The following MMAA variants were observed in gnomAD, a reference collection of about 807,000 sequenced individuals.
MMAA encodes metabolism of cobalamin associated A.
A neutral mutation model predicts 45.0 loss-of-function variants in MMAA; 41 were observed. The observed-to-expected ratio is 0.91, with a 90% confidence interval of 0.71 to 1.18. The LOEUF is 1.18. Ranked by LOEUF, MMAA falls within the 50% of genes most tolerant of loss-of-function variation. MMAA has a pLI of 0.00. For synonymous variants in MMAA, 154 were observed against 178.2 expected, an observed-to-expected ratio of 0.86 and a Z score of 1.08; for missense variants, 460 against 495.7, an observed-to-expected ratio of 0.93 and a Z score of 0.68.
intron 4 of MMAA, among the ~76,000 whole-genome samples, chr4:145,646,979 A>G (rs1727942658): frequency 6.6e-6 from 1 of 152,172 alleles, no homozygotes; most frequent in African/African-American, 2.4e-5. Context: ...GAGCAGGAAG[A>G]TCCTGCTGGA....
rs753155141 is a variant in MMAA, at chr4:145,659,368, C to T, written c.*3934C>T. On this transcript the variant is annotated 3_prime_UTR_variant, in exon 7 of 7. Transcript: ENST00000649156. The stretch of plus-strand genomic sequence containing the variant: ...GTTTTAGAGAAAATTTCACTCTGTA[C>T]TAGAAAATGTAGATGATGTGAGTCA... The T allele has an allele frequency of 1.3e-5, 2 of 152,004 alleles. No individual in the cohort carries two copies. The highest frequency in any genetic ancestry group is 2.9e-5 in the Non-Finnish European group (2 of 68,010). 9.4% of individuals were successfully genotyped at this position (152,004 alleles called of 1,614,324 possible). A position where few individuals can be genotyped will look rare whatever the true frequency, so the allele number is the denominator to read the frequency against.
At chr4:145,654,996 G>A (rs911233510) in intron 6 of MMAA, 151 bp from the exon 7 acceptor site, 3 of 759,506 alleles carry the variant, frequency 3.9e-6, no homozygotes, top group Non-Finnish European at 6.5e-6. Flanking sequence ...ATATATATTG[G>A]TATATTTACT....
rs186368600 is a variant in MMAA, at chr4:145,626,077, C to G, written c.-66+6670C>G. The G allele has an allele frequency of 3.7e-5, 31 of 826,822 alleles. No individual in the cohort carries two copies. The African/African-American group carries it at 4.8e-4, about 13-fold the overall frequency. The allele number at this position is 826,822 out of a possible 1,614,324, so 51.2% of individuals were successfully genotyped here. A position where few individuals can be genotyped will look rare whatever the true frequency, so the allele number is the denominator to read the frequency against. On this transcript the variant is annotated intron_variant, in intron 1 of 6. Transcript: ENST00000649156. ...GGTCCCAGTGCCTCTCTGGGGCAGT[C>G]GGAGGGGACCTTGGGTGGACTGAGA...
At position 145,651,225 on chromosome 4, in the gene MMAA, G is replaced by T. The variant is rs576798223; in HGVS notation, c.819+78G>T. The T allele has an allele frequency of 8.7e-5, 104 of 1,198,194 alleles. 2 individuals are homozygous for T. The South Asian group carries it at 1.3e-3, about 15-fold the overall frequency. 74.2% of individuals were successfully genotyped at this position (1,198,194 alleles called of 1,614,324 possible). The stretch of plus-strand genomic sequence containing the variant: ...TAAAAATTTCCAATGTTGTGTTTTT[G>T]TAAACTAAGTTGATAATGGTTTAGA... On this transcript the variant is annotated intron_variant, in intron 5 of 6. Coordinates refer to ENST00000649156, the MANE Select transcript of MMAA (RefSeq NM_172250.3).
At chr4:145,645,339 A>G (rs912137374) in intron 3 of MMAA, among the ~76,000 whole-genome samples, 1 of 152,202 alleles carries the variant, frequency 6.6e-6, no homozygotes, top group Admixed American at 6.5e-5. Context: ...GGCAGACTAT[A>G]TGAAGGAGCA....
At chr4:145,620,186 A>G (rs1005770437) in intron 1 of MMAA, among the ~76,000 whole-genome samples, 7 of 152,206 alleles carry the variant, frequency 4.6e-5, no homozygotes, top group Non-Finnish European at 7.3e-5. Context: ...TTTTACAATA[A>G]TTTTGCACTA....
At chr4:145,647,231 G>A (rs570765189) in intron 4 of MMAA, among the ~76,000 whole-genome samples, 30 of 152,150 alleles carry the variant, frequency 2.0e-4, no homozygotes, top group African/African-American at 7.2e-4. Flanking sequence ...GGAAGGAAGG[G>A]GAATTGCAGA....
At chr4:145,621,163 T>G (rs1298261246) in intron 1 of MMAA, among the ~76,000 whole-genome samples, 1 of 152,214 alleles carries the variant, frequency 6.6e-6, no homozygotes, top group East Asian at 1.9e-4. Flanking sequence ...CTCACCATGA[T>G]CCTGATACGT....
intron 1 of MMAA, chr4:145,625,304 T>C: frequency 1.4e-6 from 1 of 722,194 alleles, no homozygotes; most frequent in Non-Finnish European, 2.6e-6. Flanking sequence ...AGTAAAGAAA[T>C]TGCAGGCTCT....
chr4:145,638,934 A>G (rs893509675), intron 1 of MMAA, 141 bp from the exon 2 acceptor site: 1 of 598,188 alleles, frequency 1.7e-6, no homozygotes, highest in Non-Finnish European at 2.9e-6. Context: ...ATTTAGTAAG[A>G]AAACTTTCAC....
At position 145,625,976 on chromosome 4, in the gene MMAA, A is replaced by AC. The variant is rs1386634918; in HGVS notation, c.-66+6573dup. The stretch of plus-strand genomic sequence containing the variant: ...GCTCCAAGTCCCTCCGTGCATCACT[A>AC]CCCCTCAAAAGGGGTTCTCTATTAC... On this transcript the variant is annotated intron_variant, in intron 1 of 6. Transcript: ENST00000649156. The AC allele has an allele frequency of 2.0e-6, 3 of 1,530,232 alleles. No individual in the cohort carries two copies. In the African/African-American group the frequency reaches 4.1e-5, roughly 21 times the overall value. The allele number at this position is 1,530,232 out of a possible 1,614,324, so 94.8% of individuals were successfully genotyped here. A position where few individuals can be genotyped will look rare whatever the true frequency, so the allele number is the denominator to read the frequency against.
At chr4:145,632,883 G>A (rs1021582300) in intron 1 of MMAA, among the ~76,000 whole-genome samples, 9 of 151,666 alleles carry the variant, frequency 5.9e-5, no homozygotes, top group Non-Finnish European at 1.3e-4. Context: ...TCGGCCTCCT[G>A]AGTAACTGGG....
rs147105697 is a variant in MMAA, at chr4:145,650,659, C to G, written c.734-403C>G. ...GAGAACACACATAGTTGGATTGATC[C>G]ATACATAATTGGGCGTTTGCAGGCA... On this transcript the variant is annotated intron_variant, in intron 4 of 6. Coordinates refer to ENST00000649156, the MANE Select transcript of MMAA (RefSeq NM_172250.3). The G allele has an allele frequency of 1.7e-3, 404 of 235,086 alleles. 4 individuals are homozygous for G. Among genetic ancestry groups the G allele is most frequent in the African/African-American group, 8.0e-3 (354 of 44,026 alleles). 14.6% of individuals were successfully genotyped at this position (235,086 alleles called of 1,614,324 possible). A position where few individuals can be genotyped will look rare whatever the true frequency, so the allele number is the denominator to read the frequency against.
At chr4:145,642,535 T>C in intron 3 of MMAA, 50 bp downstream of exon 3, 5 of 1,612,362 alleles carry the variant, frequency 3.1e-6, no homozygotes, top group Non-Finnish European at 4.2e-6. Flanking sequence ...GGGCTTTCTG[T>C]TACAATTTAG....
In MMAA at chr4:145,655,401, C is replaced by T. The variant is rs2126630074; in HGVS notation, c.1224C>T (p.Asp408=). 6.2e-7 allele frequency: 1 copy of T among 1,612,852 alleles called. No individual in the cohort carries two copies. The highest frequency in any genetic ancestry group is 8.5e-7 in the Non-Finnish European group (1 of 1,179,692). The change falls in exon 7 of 7, where the codon GAC becomes GAT. Residue 408 remains aspartate, a synonymous_variant. Coordinates refer to ENST00000649156, the MANE Select transcript of MMAA (RefSeq NM_172250.3). ...IGALSPGLAA[D]FLLKAFKSRD ...CCCTGTCCCCAGGACTAGCAGCAGA[C>T]TTCTTGTTAAAAGCTTTTAAAAGCA...
chr4:145,622,335 C>T (rs1734104878), intron 1 of MMAA, among the ~76,000 whole-genome samples: 1 of 152,194 alleles, frequency 6.6e-6, no homozygotes, highest in East Asian at 1.9e-4. Context: ...GATTGTGAGG[C>T]TTCCTCAGCC....
At chr4:145,652,292 G>A (rs1728115790) in intron 5 of MMAA, among the ~76,000 whole-genome samples, 1 of 152,118 alleles carries the variant, frequency 6.6e-6, no homozygotes, top group African/African-American at 2.4e-5. Context: ...ATGATTGACT[G>A]AATAATTGAA....
intron 1 of MMAA, among the ~76,000 whole-genome samples, chr4:145,631,776 G>T (rs555639955): frequency 9.6e-4 from 146 of 151,996 alleles, no homozygotes; most frequent in African/African-American, 3.4e-3. Flanking sequence ...TTAGTTTCTT[G>T]CTTTTTATTT....
At chr4:145,646,275 G>A in intron 4 of MMAA, 119 bp downstream of exon 4, 1 of 1,090,354 alleles carries the variant, frequency 9.2e-7, no homozygotes. Context: ...TTAAATACAA[G>A]ATATCCCATA....
Sources: gnomAD v4.1 joint callset for allele counts (sites outside exome capture counted in the v4.1 genomes callset) on GRCh38, gnomAD v4.1.1 for gene constraint, MANE v1.5 for transcripts, NCBI Gene and HGNC (gene_info 2026-07-23, HGNC 2026-07-21) for gene names.